CNTNAP2: variants seen among roughly 807,000 people sequenced by gnomAD.
The protein encoded by CNTNAP2 is contactin-associated protein-like 2.
CNTNAP2 carries 98 observed loss-of-function variants against 155.2 expected under a neutral mutation model. The ratio of observed to expected loss-of-function variants is 0.63; its 90% CI spans 0.54 to 0.75. CNTNAP2 has a LOEUF of 0.75. Ranked by LOEUF, CNTNAP2 falls within the 30% of genes least tolerant of loss-of-function variation. The pLI is 0.00. For missense variants in CNTNAP2, 1,727 were observed against 1,688.1 expected, an observed-to-expected ratio of 1.02 and a Z score of -0.40; for synonymous variants, 651 against 631.2, an observed-to-expected ratio of 1.03 and a Z score of -0.47.
At chr7:147,746,447 G>A (rs544927527) in intron 13 of CNTNAP2, among the ~76,000 whole-genome samples, 11 of 152,208 alleles carry the variant, frequency 7.2e-5, no homozygotes, top group South Asian at 6.2e-4. Context: ...AGTCTCACAC[G>A]TCTTCCGCTG....
chr7:147,184,377 G>T (rs1191029898), intron 8 of CNTNAP2, among the ~76,000 whole-genome samples: 3 of 152,102 alleles, frequency 2.0e-5, no homozygotes, highest in African/African-American at 7.2e-5. Flanking sequence ...TATTTTATCT[G>T]AGGCAGACAG....
chr7:148,231,133 A>C (rs1795953161), intron 20 of CNTNAP2, among the ~76,000 whole-genome samples: 1 of 152,210 alleles, frequency 6.6e-6, no homozygotes, highest in Non-Finnish European at 1.5e-5. Flanking sequence ...AGACAGTATA[A>C]CAGCAGAGAC....
At chr7:147,272,411 A>G (rs1804772315) in intron 8 of CNTNAP2, among the ~76,000 whole-genome samples, 1 of 152,164 alleles carries the variant, frequency 6.6e-6, no homozygotes, top group African/African-American at 2.4e-5. Flanking sequence ...TTCATTACAT[A>G]CCTGTCTTTG....
chr7:147,163,455 A>G (rs1802064539), intron 8 of CNTNAP2, among the ~76,000 whole-genome samples: 1 of 152,148 alleles, frequency 6.6e-6, no homozygotes, highest in South Asian at 2.1e-4. Context: ...GAGTTTTATT[A>G]TTCTTTTCTT....
At chr7:148,064,493 G>C (rs1031845630) in intron 15 of CNTNAP2, among the ~76,000 whole-genome samples, 2 of 151,822 alleles carry the variant, frequency 1.3e-5, no homozygotes, top group South Asian at 2.1e-4. Flanking sequence ...CGTTCACTAA[G>C]GATATGATTG....
intron 3 of CNTNAP2, among the ~76,000 whole-genome samples, chr7:146,929,458 C>A (rs529381234): frequency 6.6e-6 from 1 of 152,014 alleles, no homozygotes; most frequent in African/African-American, 2.4e-5. Context: ...TCATCAAAGA[C>A]CAAAAGTAGA....
At chr7:148,365,384 G>C (rs1391923028) in intron 21 of CNTNAP2, among the ~76,000 whole-genome samples, 2 of 152,120 alleles carry the variant, frequency 1.3e-5, no homozygotes, top group African/African-American at 4.8e-5. Context: ...TGTCTAGCAG[G>C]CTGGGCGTGG....
chr7:146,976,069 T>C (rs898560337), intron 3 of CNTNAP2, among the ~76,000 whole-genome samples: 1 of 152,184 alleles, frequency 6.6e-6, no homozygotes. Context: ...ACAGGAGCCC[T>C]TAAAATACAA....
chr7:147,086,272 CA>C (rs1469301036), intron 4 of CNTNAP2, among the ~76,000 whole-genome samples: 1 of 151,870 alleles, frequency 6.6e-6, no homozygotes, highest in Admixed American at 6.6e-5. Context: ...AATGAGTTTA[CA>C]GAAAATAAAC....
intron 8 of CNTNAP2, among the ~76,000 whole-genome samples, chr7:147,208,900 A>G (rs1289492316): frequency 1.3e-5 from 2 of 152,162 alleles, no homozygotes; most frequent in Middle Eastern, 3.4e-3. Flanking sequence ...CATTATTAAG[A>G]AACTTCATTT....
At chr7:148,111,947 T>C (rs1359317693) in intron 15 of CNTNAP2, among the ~76,000 whole-genome samples, 1 of 152,148 alleles carries the variant, frequency 6.6e-6, no homozygotes, top group East Asian at 1.9e-4. Context: ...ATCCTGAAAC[T>C]TGGGGATGTA....
rs939498467 is a variant in CNTNAP2, at chr7:147,695,893, T to C, written c.2098+56587T>C. 2.6e-5 allele frequency among the ~76,000 whole-genome samples: 4 copies of C among 152,234 alleles called. No individual in the cohort carries two copies. The East Asian group carries it at 7.7e-4, about 29-fold the overall frequency. On this transcript the variant is annotated intron_variant, in intron 13 of 23. Transcript: ENST00000361727. ...TATATATTAAGAATTGTTATGACTT[T>C]TGGCAGGGAGGATTGACCCCTTTAT...
At chr7:147,813,653 A>C (rs968419974) in intron 13 of CNTNAP2, among the ~76,000 whole-genome samples, 1 of 152,210 alleles carries the variant, frequency 6.6e-6, no homozygotes, top group African/African-American at 2.4e-5. Context: ...TCACCCTTTA[A>C]TTCTCCAATG....
At chr7:148,183,120 C>T (rs1214574298) in intron 18 of CNTNAP2, among the ~76,000 whole-genome samples, 1 of 152,104 alleles carries the variant, frequency 6.6e-6, no homozygotes, top group African/African-American at 2.4e-5. Flanking sequence ...GGATTGCCAG[C>T]AAGGAAGGAC....
chr7:147,235,500 T>G (rs190231723), intron 8 of CNTNAP2, among the ~76,000 whole-genome samples: 1 of 152,116 alleles, frequency 6.6e-6, no homozygotes, highest in Admixed American at 6.6e-5. Flanking sequence ...CCTTGGCAAT[T>G]AGTATTTTTG....
intron 1 of CNTNAP2, among the ~76,000 whole-genome samples, chr7:146,592,016 C>G (rs1344692459): frequency 6.6e-6 from 1 of 152,204 alleles, no homozygotes; most frequent in African/African-American, 2.4e-5. Flanking sequence ...TTCATTTCCT[C>G]TGACCCATTT....
intron 1 of CNTNAP2, among the ~76,000 whole-genome samples, chr7:146,197,776 A>G (rs1489268765): frequency 6.6e-6 from 1 of 152,202 alleles, no homozygotes; most frequent in East Asian, 1.9e-4. Flanking sequence ...CTTTAAAAAT[A>G]TGGCTCAAAT....
intron 16 of CNTNAP2, among the ~76,000 whole-genome samples, chr7:148,122,700 C>T (rs986172407): frequency 1.6e-4 from 25 of 152,080 alleles, no homozygotes; most frequent in Non-Finnish European, 4.4e-5. Context: ...GCCAGACAAC[C>T]AGCCATGGGA....
At chr7:146,340,283 GTTGT>G (rs746458322) in intron 1 of CNTNAP2, among the ~76,000 whole-genome samples, 7,678 of 137,398 alleles carry the variant, frequency 0.056, 416 homozygotes, top group African/African-American at 0.16. Context: ...TGTTGTTGTT[GTTGT>G]TTTTTTTTTT....
Sources: gnomAD v4.1 joint callset for allele counts (sites outside exome capture counted in the v4.1 genomes callset) on GRCh38, gnomAD v4.1.1 for gene constraint, MANE v1.5 for transcripts, NCBI Gene and HGNC (gene_info 2026-07-23, HGNC 2026-07-21) for gene names.